The following RORA variants were observed in gnomAD, a reference collection of about 807,000 sequenced individuals.
The protein encoded by RORA is RAR related orphan receptor A, also known as nuclear receptor ROR-alpha.
RORA carries 7 observed loss-of-function variants against 69.5 expected under a neutral mutation model. That is an observed-to-expected ratio of 0.10 (90% CI 0.06 to 0.19). The LOEUF (loss-of-function observed/expected upper bound fraction) is 0.19, where lower values mean the gene tolerates loss of function less well. RORA is among the 10% of genes least tolerant of loss of function. The pLI is 1.00. For synonymous variants in RORA, 261 were observed against 240.8 expected (o/e 1.08, Z -0.78); for missense variants, 457 against 663.0 (o/e 0.69, Z 3.41).
chr15:60,621,173 T>G (rs1345176066), intron 2 of RORA, among the ~76,000 whole-genome samples: 1 of 151,910 alleles, frequency 6.6e-6, no homozygotes, highest in Non-Finnish European at 1.5e-5. Context: ...TCACCCACTG[T>G]ATTGTGTATC....
At chr15:61,163,568 A>C (rs1436584945) in intron 1 of RORA, among the ~76,000 whole-genome samples, 1 of 152,202 alleles carries the variant, frequency 6.6e-6, no homozygotes, top group Non-Finnish European at 1.5e-5. Context: ...CTTCCTACTA[A>C]AGAAGGGGAG....
At chr15:60,876,849 A>G (rs910677024) in intron 1 of RORA, among the ~76,000 whole-genome samples, 17 of 152,216 alleles carry the variant, frequency 1.1e-4, no homozygotes, top group Admixed American at 2.6e-4. Context: ...GCTAAGTGCT[A>G]TTAAATTTTG....
chr15:60,831,000 T>C (rs781048419), intron 1 of RORA, among the ~76,000 whole-genome samples: 47 of 152,278 alleles, frequency 3.1e-4, no homozygotes, highest in Non-Finnish European at 5.9e-4. Flanking sequence ...CAATTCAACA[T>C]AGACACACAG....
intron 1 of RORA, among the ~76,000 whole-genome samples, chr15:61,094,369 T>C (rs999939947): frequency 6.6e-6 from 1 of 152,114 alleles, no homozygotes; most frequent in Non-Finnish European, 1.5e-5. Flanking sequence ...TTCTAAGTAA[T>C]CAAATATGAC....
intron 2 of RORA, among the ~76,000 whole-genome samples, chr15:60,559,774 C>T (rs535764924): frequency 9.2e-5 from 14 of 152,318 alleles, no homozygotes; most frequent in Non-Finnish European, 1.9e-4. Flanking sequence ...GAGAGTTTCT[C>T]GATCTCTTCT....
chr15:61,022,067 T>C (rs1481038616), intron 1 of RORA, among the ~76,000 whole-genome samples: 1 of 152,190 alleles, frequency 6.6e-6, no homozygotes, highest in Non-Finnish European at 1.5e-5. Flanking sequence ...GGGTGGCATC[T>C]GTAAAGAGTG....
Position 60,493,857 on chromosome 15 carries a change from TTTTGA to T in RORA, c.*3593_*3597del, listed in dbSNP as rs1260375322. ...AAATCTTTTTTTCCCCATCTTCTAG[TTTTGA>T]TTTAAGTATTTTGAATACATTTTCT... On this transcript the variant is annotated 3_prime_UTR_variant, in exon 11 of 11. Coordinates refer to ENST00000335670, the MANE Select transcript of RORA (RefSeq NM_134261.3). 6.6e-6 allele frequency: 1 copy of T among 151,902 alleles called. No individual in the cohort carries two copies. The highest frequency in any genetic ancestry group is 1.5e-5 in the Non-Finnish European group (1 of 68,000). The allele number at this position is 151,902 out of a possible 1,614,324, so 9.4% of individuals were successfully genotyped here.
At chr15:61,019,097 C>T (rs1469235350) in intron 1 of RORA, among the ~76,000 whole-genome samples, 1 of 152,168 alleles carries the variant, frequency 6.6e-6, no homozygotes, top group Admixed American at 6.5e-5. Flanking sequence ...ATCTCCAAAG[C>T]TCTCTAATAC....
At chr15:60,995,611 T>C (rs375358256) in intron 1 of RORA, among the ~76,000 whole-genome samples, 3 of 152,202 alleles carry the variant, frequency 2.0e-5, no homozygotes, top group Non-Finnish European at 4.4e-5. Context: ...ACAGATCTGA[T>C]AGCCCAACTC....
intron 6 of RORA, among the ~76,000 whole-genome samples, chr15:60,504,284 C>A (rs868505250): frequency 6.6e-6 from 1 of 151,404 alleles, no homozygotes; most frequent in African/African-American, 2.4e-5. Flanking sequence ...CGGTGGTTCA[C>A]GCCTGTAAAC....
intron 2 of RORA, among the ~76,000 whole-genome samples, chr15:60,622,874 C>T (rs1338636934): frequency 6.6e-6 from 1 of 152,008 alleles, no homozygotes; most frequent in Non-Finnish European, 1.5e-5. Flanking sequence ...CACCACCACA[C>T]CTGGCTAATT....
At chr15:60,506,478 G>A (rs1200266202) in intron 5 of RORA, among the ~76,000 whole-genome samples, 1 of 152,084 alleles carries the variant, frequency 6.6e-6, no homozygotes, top group East Asian at 1.9e-4. Context: ...CACACTGGAA[G>A]GACAATTCAA....
chr15:60,601,183 C>G (rs562318951), intron 2 of RORA: 18 of 152,302 alleles, frequency 1.2e-4, no homozygotes, highest in African/African-American at 4.3e-4. Context: ...CTCCAGAAAT[C>G]AAGAAGTACT....
intron 1 of RORA, among the ~76,000 whole-genome samples, chr15:61,034,718 A>C (rs183785957): frequency 6.6e-6 from 1 of 151,924 alleles, no homozygotes; most frequent in African/African-American, 2.4e-5. Flanking sequence ...TCAAGGAAAA[A>C]AAAAATCTTT....
At chr15:60,528,806 A>G (rs886432746) in intron 3 of RORA, 1 of 152,228 alleles carries the variant, frequency 6.6e-6, no homozygotes, top group Non-Finnish European at 1.5e-5. Context: ...AGTTATTACA[A>G]TTACAGTCCT....
At chr15:60,962,203 G>C (rs924998120) in intron 1 of RORA, among the ~76,000 whole-genome samples, 17 of 152,146 alleles carry the variant, frequency 1.1e-4, no homozygotes, top group African/African-American at 4.1e-4. Context: ...CCACCCAATA[G>C]CTACAGAAAT....
At chr15:60,688,128 T>C (rs557767362) in intron 1 of RORA, among the ~76,000 whole-genome samples, 3 of 152,144 alleles carry the variant, frequency 2.0e-5, no homozygotes, top group Non-Finnish European at 2.9e-5. Context: ...GCATGATATG[T>C]TTACCAAATG....
chr15:61,182,864 T>C (rs892542793), intron 1 of RORA: 6 of 152,348 alleles, frequency 3.9e-5, no homozygotes, highest in African/African-American at 1.4e-4. Flanking sequence ...AGGCTCCCTT[T>C]AACCAGGAGA....
chr15:60,620,826 T>C (rs2069383895), intron 2 of RORA, among the ~76,000 whole-genome samples: 2 of 152,216 alleles, frequency 1.3e-5, no homozygotes, highest in Non-Finnish European at 2.9e-5. Context: ...TGATGGCTGC[T>C]GGGGAGAGGG....
Sources: allele counts gnomAD v4.1 joint callset (sites outside exome capture counted in the v4.1 genomes callset), GRCh38; gene constraint gnomAD v4.1.1; transcripts MANE v1.5; gene names NCBI Gene and HGNC (gene_info 2026-07-23, HGNC 2026-07-21).